Variants in MEIG1 observed in about 807,000 individuals in gnomAD.
MEIG1 encodes meiosis/spermiogenesis associated 1, also known as meiosis expressed gene 1 protein homolog.
In MEIG1, 12 loss-of-function variants were observed where a neutral mutation model predicts 11.3. The observed-to-expected ratio is 1.07, with a 90% CI of 0.68 to 1.73. The LOEUF (loss-of-function observed/expected upper bound fraction) is 1.73, where lower values mean the gene tolerates loss of function less well. Among genes scored for constraint, MEIG1 ranks in the 40% most tolerant of loss-of-function variants. MEIG1 has a pLI of 0.00. For synonymous variants in MEIG1, 41 were observed against 33.2 expected (o/e 1.24, Z -0.81); for missense variants, 119 against 104.9 (o/e 1.13, Z -0.59).
At chr10:14,972,459 A>C in intron 2 of MEIG1, 54 bp from the exon 3 acceptor site, 5 of 1,609,122 alleles carry the variant, frequency 3.1e-6, no homozygotes, top group Non-Finnish European at 4.2e-6. Flanking sequence ...GTAAAATATG[A>C]GATAAAAATC....
intron 2 of MEIG1, among the ~76,000 whole-genome samples, chr10:14,971,216 G>GATAATAATAATAATAATAATAATAATA (rs55964936): frequency 4.9e-5 from 7 of 143,650 alleles, no homozygotes; most frequent in African/African-American, 1.8e-4. Context: ...TAATAATAAT[G>GATAATAATAATAATAATAATAATAATA]ATAATAATAA....
intron 1 of MEIG1, among the ~76,000 whole-genome samples, chr10:14,983,011 A>C (rs1193967602): frequency 1.3e-5 from 2 of 152,094 alleles, no homozygotes; most frequent in African/African-American, 4.8e-5. Flanking sequence ...TATTGGTAAT[A>C]GATATTCCTG....
At chr10:14,985,323 C>T (rs1219449840) in intron 1 of MEIG1, among the ~76,000 whole-genome samples, 1 of 151,876 alleles carries the variant, frequency 6.6e-6, no homozygotes, top group African/African-American at 2.4e-5. Flanking sequence ...TGTCACAATG[C>T]CTGTACACCC....
At chr10:14,978,851 G>A (rs1016983005) in intron 1 of MEIG1, among the ~76,000 whole-genome samples, 7 of 151,824 alleles carry the variant, frequency 4.6e-5, no homozygotes, top group African/African-American at 1.7e-4. Context: ...TTCGTGGTAT[G>A]TTACAACTTA....
chr10:14,974,887 AG>A (rs1843194683), downstream of MEIG1, among the ~76,000 whole-genome samples: 1 of 152,102 alleles, frequency 6.6e-6, no homozygotes. Flanking sequence ...TATTGGTAAT[AG>A]ATATTCATGT....
chr10:14,972,737 C>A lies in MEIG1; in HGVS notation c.*96C>A. 1.7e-6 allele frequency: 2 copies of A among 1,169,096 alleles called. No individual in the cohort carries two copies. The highest frequency in any genetic ancestry group is 2.4e-6 in the Non-Finnish European group (2 of 849,268). The allele number at this position is 1,169,096 out of a possible 1,614,324, so 72.4% of individuals were successfully genotyped here. ...TCATTTGATGAAATAATTCAAGATG[C>A]AGTCTGCAGTTTAATGTTTTGTGAA... On this transcript the variant is annotated 3_prime_UTR_variant, in exon 3 of 3. Transcript: ENST00000407572.
At chr10:14,967,567 C>T (rs1221261195) in intron 2 of MEIG1, among the ~76,000 whole-genome samples, 1 of 150,290 alleles carries the variant, frequency 6.7e-6, no homozygotes, top group Non-Finnish European at 1.5e-5. Context: ...TGCACTGGCG[C>T]AATCTCGGCT....
intron 2 of MEIG1, among the ~76,000 whole-genome samples, chr10:14,966,939 G>A (rs1478238521): frequency 6.6e-6 from 1 of 152,078 alleles, no homozygotes; most frequent in Non-Finnish European, 1.5e-5. Flanking sequence ...TGCCGTGTTT[G>A]GCCAGGCTGG....
chr10:14,968,844 C>T (rs1218423567), intron 2 of MEIG1, among the ~76,000 whole-genome samples: 4 of 151,996 alleles, frequency 2.6e-5, no homozygotes, highest in East Asian at 3.9e-4. Flanking sequence ...TTTGGGAGGC[C>T]GAGGCAGGTG....
chr10:14,964,761 G>C (rs1432635228), intron 1 of MEIG1, among the ~76,000 whole-genome samples: 2 of 145,938 alleles, frequency 1.4e-5, no homozygotes, highest in East Asian at 4.0e-4. Flanking sequence ...TGTGATTGCA[G>C]GCACCTGCTA....
chr10:14,961,850 C>T (rs904021788), intron 1 of MEIG1, among the ~76,000 whole-genome samples: 6 of 151,720 alleles, frequency 4.0e-5, no homozygotes, highest in African/African-American at 1.5e-4. Flanking sequence ...TCTTGTCTCC[C>T]AGGCTGGAAT....
chr10:14,981,533 C>T (rs530631313), intron 1 of MEIG1, among the ~76,000 whole-genome samples: 3 of 152,176 alleles, frequency 2.0e-5, no homozygotes, highest in South Asian at 2.1e-4. Flanking sequence ...GATAAGGGGG[C>T]GACCGGGGCG....
chr10:14,986,205 A>C (rs1843316605), intron 1 of MEIG1, among the ~76,000 whole-genome samples: 2 of 152,130 alleles, frequency 1.3e-5, no homozygotes, highest in East Asian at 3.9e-4. Flanking sequence ...CATGCCTGTA[A>C]TCCCAGCTAC....
At chr10:14,972,412 T>A in intron 2 of MEIG1, 101 bp from the exon 3 acceptor site, 1 of 1,465,922 alleles carries the variant, frequency 6.8e-7, no homozygotes, top group Non-Finnish European at 9.5e-7. Flanking sequence ...AATCTTATAC[T>A]TTGTTTCTGT....
chr10:14,976,669 T>C (rs1843213295), downstream of MEIG1, among the ~76,000 whole-genome samples: 1 of 152,124 alleles, frequency 6.6e-6, no homozygotes, highest in South Asian at 2.1e-4. Context: ...TTATTCGTTA[T>C]AATTTTGTGG....
chr10:14,964,219 TC>T (rs1282460756), intron 1 of MEIG1, among the ~76,000 whole-genome samples: 1 of 151,762 alleles, frequency 6.6e-6, no homozygotes, highest in Non-Finnish European at 1.5e-5. Flanking sequence ...TAGAAAAGAG[TC>T]CATTGGTACT....
intron 1 of MEIG1, among the ~76,000 whole-genome samples, chr10:14,978,911 A>T (rs1843237720): frequency 6.6e-6 from 1 of 151,822 alleles, no homozygotes; most frequent in East Asian, 1.9e-4. Context: ...ATTCTATAGA[A>T]ATGTTACTCA....
At chr10:14,972,462 T>C in intron 2 of MEIG1, 51 bp from the exon 3 acceptor site, 1 of 1,611,126 alleles carries the variant, frequency 6.2e-7, no homozygotes, top group Non-Finnish European at 8.5e-7. Context: ...AAATATGAGA[T>C]AAAAATCAAC....
chr10:14,957,684 A>G (rs558934516), upstream of MEIG1, among the ~76,000 whole-genome samples: 1 of 152,250 alleles, frequency 6.6e-6, no homozygotes, highest in African/African-American at 2.4e-5. Context: ...CCCAGGCTGG[A>G]GTGCAGTGAC....
Sources: gnomAD v4.1 joint callset for allele counts (sites outside exome capture counted in the v4.1 genomes callset) on GRCh38, gnomAD v4.1.1 for gene constraint, MANE v1.5 for transcripts, NCBI Gene and HGNC (gene_info 2026-07-23, HGNC 2026-07-21) for gene names.